Variants in STK11 observed in about 807,000 individuals in gnomAD.
The protein encoded by STK11 is serine/threonine-protein kinase STK11.
STK11 carries 8 observed loss-of-function variants against 47.3 expected under a neutral mutation model. The ratio of observed to expected loss-of-function variants is 0.17; its 90% confidence interval spans 0.10 to 0.31. The LOEUF (loss-of-function observed/expected upper bound fraction) is 0.31. Among genes scored for constraint, STK11 ranks in the 10% least tolerant of loss-of-function variants. STK11 has a pLI of 1.00. For missense variants in STK11, 475 were observed against 605.0 expected (o/e 0.79, Z 2.25); for synonymous variants, 330 against 255.8 (o/e 1.29, Z -2.77).
In STK11 at chr19:1,227,859, C is replaced by T. The variant is rs2080837772; in HGVS notation, c.*283C>T. 9.3e-7 allele frequency: 1 copy of T among 1,069,948 alleles called. No individual in the cohort carries two copies. The highest frequency in any genetic ancestry group is 1.6e-5 in the African/African-American group (1 of 61,000). The allele number at this position is 1,069,948 out of a possible 1,614,324, so 66.3% of individuals were successfully genotyped here. A position where few individuals can be genotyped will look rare whatever the true frequency, so the allele number is the denominator to read the frequency against. On this transcript the variant is annotated 3_prime_UTR_variant, in exon 10 of 10. Transcript: ENST00000326873. The stretch of plus-strand genomic sequence containing the variant: ...GGGCGTGGGAGGAGGGAGGCGGCCT[C>T]CATGCACTTTATGTGGAGACTACTG...
intron 8 of STK11, chr19:1,223,740 A>C (rs984504724): frequency 1.3e-5 from 14 of 1,041,234 alleles, no homozygotes; most frequent in African/African-American, 1.7e-5. Context: ...CCGGCGCCGC[A>C]GTAGTGCCTG....
intron 1 of STK11, among the ~76,000 whole-genome samples, chr19:1,209,380 C>T (rs921876568): frequency 1.3e-5 from 2 of 151,972 alleles, no homozygotes; most frequent in Non-Finnish European, 2.9e-5. Flanking sequence ...GTCAGGAGTT[C>T]GAGACCAGCC....
At chr19:1,208,926 G>A (rs929103192) in intron 1 of STK11, among the ~76,000 whole-genome samples, 5 of 151,850 alleles carry the variant, frequency 3.3e-5, no homozygotes, top group Non-Finnish European at 5.9e-5. Context: ...CGGCCAGCAC[G>A]CTTCTTAATC....
At chr19:1,226,760 C>T (rs1035127167) in intron 9 of STK11, 97 bp downstream of exon 9, 12 of 1,356,294 alleles carry the variant, frequency 8.8e-6, no homozygotes, top group South Asian at 1.6e-5. Flanking sequence ...TCATGGTGAC[C>T]GTCACGTGGC....
chr19:1,224,362 G>T (rs1383101388), intron 8 of STK11: 1 of 985,400 alleles, frequency 1.0e-6, no homozygotes, highest in Non-Finnish European at 1.2e-6. Flanking sequence ...AGGTGCTGCT[G>T]GGTACCCTGG....
In STK11 at chr19:1,218,513, G is replaced by C. The variant is rs1568703690; in HGVS notation, c.374+13G>C. ...AGAAGCAGAAAATATATCCTTTCCGGTGTTGGGACCGCGGGGCCTCCGTGG... is the reference window on the plus strand; with the variant it reads ...AGAAGCAGAAAATATATCCTTTCCGCTGTTGGGACCGCGGGGCCTCCGTGG... On this transcript the variant is annotated intron_variant, in intron 2 of 9. Coordinates refer to ENST00000326873, the MANE Select transcript of STK11 (RefSeq NM_000455.5). 3 of 1,612,090 alleles carry C rather than the reference G, an allele frequency of 1.9e-6. No individual in the cohort carries two copies. The highest frequency in any genetic ancestry group is 1.7e-4 in the Middle Eastern group (1 of 6,056).
At chr19:1,224,893 C>T in intron 8 of STK11, 1 of 985,736 alleles carries the variant, frequency 1.0e-6, no homozygotes. Context: ...CAACTTCAGG[C>T]TTCAGCGTGA....
intron 1 of STK11, among the ~76,000 whole-genome samples, chr19:1,217,197 C>T (rs774858175): frequency 2.6e-5 from 4 of 151,990 alleles, no homozygotes; most frequent in Admixed American, 1.3e-4. Flanking sequence ...CCTTGCTCCT[C>T]GTCATTTTTG....
In STK11 at chr19:1,226,665, T is replaced by TGGGGCGCGGC. The variant is rs1453954065; in HGVS notation, c.*16+8_*16+17dup. On this transcript the variant is annotated splice_region_variant and intron_variant, in intron 9 of 9. Coordinates refer to ENST00000326873, the MANE Select transcript of STK11 (RefSeq NM_000455.5). ...AGCAGTGAGGCTGGCCGCCTGCAGG[T>TGGGGCGCGGC]GGGGCGCGGCGGGGCCCGGGTGGGG... The TGGGGCGCGGC allele has an allele frequency of 6.7e-7, 1 of 1,499,744 alleles. No individual in the cohort carries two copies. Among genetic ancestry groups the TGGGGCGCGGC allele is most frequent in the East Asian group, 2.5e-5 (1 of 39,990 alleles). 92.9% of individuals were successfully genotyped at this position (1,499,744 alleles called of 1,614,324 possible).
At chr19:1,215,439 C>G (rs2080738920) in intron 1 of STK11, among the ~76,000 whole-genome samples, 3 of 152,244 alleles carry the variant, frequency 2.0e-5, no homozygotes, top group Non-Finnish European at 1.5e-5. Context: ...CAGTTGCTCA[C>G]TGGCTCCGCT....
chr19:1,227,721 C>G lies in STK11; in HGVS notation c.*145C>G, dbSNP rs2080836172. On this transcript the variant is annotated 3_prime_UTR_variant, in exon 10 of 10. Transcript: ENST00000326873. ...CACGCCCCAGGACCTCCGGAGCGCC[C>G]TGCAGGGCCGGGCAGGGGGACAGCA... The G allele has an allele frequency of 9.3e-7, 1 of 1,071,370 alleles. No individual in the cohort carries two copies. Among genetic ancestry groups the G allele is most frequent in the African/African-American group, 1.6e-5 (1 of 61,250 alleles). 66.4% of individuals were successfully genotyped at this position (1,071,370 alleles called of 1,614,324 possible).
chr19:1,213,877 G>C (rs1014784998), intron 1 of STK11, among the ~76,000 whole-genome samples: 2 of 152,252 alleles, frequency 1.3e-5, no homozygotes, highest in Non-Finnish European at 2.9e-5. Context: ...AGCCGTGGGA[G>C]GCCGGGGCGA....
At chr19:1,224,666 T>C in intron 8 of STK11, 1 of 985,506 alleles carries the variant, frequency 1.0e-6, no homozygotes, top group Non-Finnish European at 1.2e-6. Context: ...CTCAGGCCTG[T>C]GTGAGACCTG....
chr19:1,208,166 G>C (rs937754785), intron 1 of STK11, among the ~76,000 whole-genome samples: 1 of 152,100 alleles, frequency 6.6e-6, no homozygotes, highest in Non-Finnish European at 1.5e-5. Flanking sequence ...CCCTGCGCAG[G>C]GCACCATGAC....
At chr19:1,207,322 C>A in intron 1 of STK11, 119 bp downstream of exon 1, 1 of 1,353,132 alleles carries the variant, frequency 7.4e-7, no homozygotes, top group Non-Finnish European at 1.0e-6. Flanking sequence ...CTGAGCTGGA[C>A]CCGTCTGGCG....
In STK11 at chr19:1,223,496, A is replaced by C. The variant is rs1599929826; in HGVS notation, c.1108+324A>C. On this transcript the variant is annotated intron_variant, in intron 8 of 9. Transcript: ENST00000326873. ...CAGCAGGAGCAGGCGGGGGAGCCCC[A>C]GGGTCGGGGGAGGGTAGGTGAGAGT... 3.4e-6 allele frequency: 3 copies of C among 874,340 alleles called. No individual in the cohort carries two copies. The East Asian group carries it at 1.2e-4, about 36-fold the overall frequency. The allele number at this position is 874,340 out of a possible 1,614,324, so 54.2% of individuals were successfully genotyped here. A position where few individuals can be genotyped will look rare whatever the true frequency, so the allele number is the denominator to read the frequency against.
At chr19:1,211,566 C>T (rs901339238) in intron 1 of STK11, among the ~76,000 whole-genome samples, 1 of 152,220 alleles carries the variant, frequency 6.6e-6, no homozygotes, top group African/African-American at 2.4e-5. Context: ...GGAGCCTCCG[C>T]AGAGGCACCC....
intron 8 of STK11, chr19:1,225,856 CAG>C: frequency 2.0e-6 from 2 of 986,430 alleles, no homozygotes; most frequent in Non-Finnish European, 2.4e-6. Flanking sequence ...ATTGTGAGAA[CAG>C]TGTCCACCTG....
At chr19:1,222,214 C>A (rs1011140382) in intron 7 of STK11, among the ~76,000 whole-genome samples, 14 of 152,224 alleles carry the variant, frequency 9.2e-5, no homozygotes, top group Non-Finnish European at 1.9e-4. Context: ...CTTGTCCGAA[C>A]TGGGGTCTGA....
Sources: gnomAD v4.1 joint callset for allele counts (sites outside exome capture counted in the v4.1 genomes callset) on GRCh38, gnomAD v4.1.1 for gene constraint, MANE v1.5 for transcripts, NCBI Gene and HGNC (gene_info 2026-07-23, HGNC 2026-07-21) for gene names.